GAB2: variants seen among roughly 807,000 people sequenced by gnomAD.
GAB2 encodes GRB2 associated binding protein 2, also known as GRB2-associated-binding protein 2.
A neutral mutation model predicts 65.5 loss-of-function variants in GAB2; 26 were observed. That is an observed-to-expected ratio of 0.40 (90% confidence interval 0.29 to 0.55). GAB2 has a LOEUF of 0.55. Ranked by LOEUF, GAB2 falls within the 20% of genes least tolerant of loss-of-function variation. GAB2 has a pLI of 0.53. For missense variants in GAB2, 884 were observed against 875.8 expected (o/e 1.01, Z -0.12); for synonymous variants, 321 against 329.6 (o/e 0.97, Z 0.28).
intron 2 of GAB2, among the ~76,000 whole-genome samples, chr11:78,276,729 G>A (rs1272210257): frequency 6.6e-6 from 1 of 152,208 alleles, no homozygotes. Context: ...AGATAATGTA[G>A]TTTCCACATT....
intron 1 of GAB2, among the ~76,000 whole-genome samples, chr11:78,378,702 G>C (rs1456715822): frequency 6.6e-6 from 1 of 151,984 alleles, no homozygotes; most frequent in Non-Finnish European, 1.5e-5. Flanking sequence ...TAATGCTCAG[G>C]CTTGTCTTGA....
chr11:78,351,266 T>C (rs539644093), intron 1 of GAB2, among the ~76,000 whole-genome samples: 25 of 152,178 alleles, frequency 1.6e-4, no homozygotes, highest in African/African-American at 5.8e-4. Flanking sequence ...TTTTTTTTTT[T>C]AATAAGTGGA....
chr11:78,356,177 A>G (rs1035202400), intron 1 of GAB2, among the ~76,000 whole-genome samples: 2 of 139,924 alleles, frequency 1.4e-5, no homozygotes, highest in African/African-American at 2.8e-5. Context: ...CATCTCAAAA[A>G]AAAAGAAAAA....
intron 1 of GAB2, among the ~76,000 whole-genome samples, chr11:78,291,951 T>C: frequency 6.6e-6 from 1 of 151,990 alleles, no homozygotes; most frequent in East Asian, 1.9e-4. Context: ...AGGGATGTGT[T>C]CTTCTGAATA....
chr11:78,257,484 G>C (rs1248364712), intron 2 of GAB2, among the ~76,000 whole-genome samples: 1 of 152,080 alleles, frequency 6.6e-6, no homozygotes, highest in Non-Finnish European at 1.5e-5. Flanking sequence ...TGTTCAATAG[G>C]GCTAAGTACT....
At chr11:78,370,712 C>CGTGTGTGTAT (rs1554995527) in intron 1 of GAB2, among the ~76,000 whole-genome samples, 32 of 123,218 alleles carry the variant, frequency 2.6e-4, no homozygotes, top group African/African-American at 9.3e-4. Context: ...TGTGTGTGTG[C>CGTGTGTGTAT]GTGTGTGTGT....
intron 1 of GAB2, among the ~76,000 whole-genome samples, chr11:78,393,328 C>T (rs1335944485): frequency 1.3e-5 from 2 of 152,196 alleles, no homozygotes; most frequent in East Asian, 3.8e-4. Flanking sequence ...TGAAGTCACA[C>T]AGTTTTCCCA....
At chr11:78,314,020 A>G (rs900389254) in intron 1 of GAB2, among the ~76,000 whole-genome samples, 1 of 152,230 alleles carries the variant, frequency 6.6e-6, no homozygotes, top group East Asian at 1.9e-4. Flanking sequence ...TAGCTGGGTT[A>G]TTCAGCTAGT....
At position 78,309,210 on chromosome 11, in the gene GAB2, A is replaced by G. The variant is rs1855435513; in HGVS notation, c.76-28309T>C. The stretch of plus-strand genomic sequence containing the variant: ...CAGGTAGGGAAATATTAAGAGTAGC[A>G]GACTCAAGCAATTAAAAAAATTGAG... On this transcript the variant is annotated intron_variant, in intron 1 of 9. Transcript: ENST00000361507. Among the ~76,000 whole-genome samples, 3 of 152,226 alleles carry G rather than the reference A, an allele frequency of 2.0e-5. No homozygotes were observed. The South Asian group carries it at 6.2e-4, about 31-fold the overall frequency.
At chr11:78,293,992 G>A (rs1343578184) in intron 1 of GAB2, among the ~76,000 whole-genome samples, 1 of 152,092 alleles carries the variant, frequency 6.6e-6, no homozygotes, top group Non-Finnish European at 1.5e-5. Context: ...ATGTATACAT[G>A]TGCCATGTTG....
intron 1 of GAB2, among the ~76,000 whole-genome samples, chr11:78,350,242 G>A (rs186558859): frequency 1.3e-5 from 2 of 152,288 alleles, no homozygotes; most frequent in East Asian, 3.9e-4. Context: ...GAGAAACCCT[G>A]GGAAACTAGG....
At chr11:78,244,595 A>T (rs538137919) in intron 3 of GAB2, among the ~76,000 whole-genome samples, 2 of 145,920 alleles carry the variant, frequency 1.4e-5, no homozygotes, top group East Asian at 4.2e-4. Context: ...CAAATAATGG[A>T]GTTGAGGCAA....
intron 1 of GAB2, among the ~76,000 whole-genome samples, chr11:78,306,842 T>C (rs1398148738): frequency 6.6e-6 from 1 of 152,226 alleles, no homozygotes; most frequent in Non-Finnish European, 1.5e-5. Context: ...GTGCCTTAGT[T>C]TCCTTGTTCG....
chr11:78,301,957 C>T (rs1867031702), intron 1 of GAB2, among the ~76,000 whole-genome samples: 2 of 152,128 alleles, frequency 1.3e-5, no homozygotes. Flanking sequence ...CCCTATTCAA[C>T]AAACAGTGCT....
At chr11:78,333,062 C>T (rs917409107) in intron 1 of GAB2, among the ~76,000 whole-genome samples, 1 of 152,054 alleles carries the variant, frequency 6.6e-6, no homozygotes, top group African/African-American at 2.4e-5. Flanking sequence ...TAATGCTGGG[C>T]TTTGTTTCAG....
intron 3 of GAB2, among the ~76,000 whole-genome samples, chr11:78,235,387 TG>T (rs1188827859): frequency 6.6e-6 from 1 of 151,986 alleles, no homozygotes; most frequent in African/African-American, 2.4e-5. Context: ...CTCCTGACCT[TG>T]AGATCCGCCC....
chr11:78,278,691 A>C (rs1866244170), intron 2 of GAB2, among the ~76,000 whole-genome samples: 1 of 149,220 alleles, frequency 6.7e-6, no homozygotes, highest in Admixed American at 6.7e-5. Context: ...CTGGCCTTTT[A>C]ATTCGTTTCT....
chr11:78,342,697 C>T (rs903046477), intron 1 of GAB2, among the ~76,000 whole-genome samples: 9 of 152,098 alleles, frequency 5.9e-5, no homozygotes, highest in Middle Eastern at 3.2e-3. Context: ...TGTGAACCAC[C>T]GCGCCTGGCC....
At chr11:78,361,719 T>A (rs948298245) in intron 1 of GAB2, among the ~76,000 whole-genome samples, 16 of 152,154 alleles carry the variant, frequency 1.1e-4, no homozygotes, top group African/African-American at 3.1e-4. Flanking sequence ...ATACAGAACT[T>A]TGGTAATCAT....
Sources: allele counts gnomAD v4.1 joint callset (sites outside exome capture counted in the v4.1 genomes callset), GRCh38; gene constraint gnomAD v4.1.1; transcripts MANE v1.5; gene names NCBI Gene and HGNC (gene_info 2026-07-23, HGNC 2026-07-21).